Variants in ARID5B observed in about 807,000 individuals in gnomAD.
ARID5B encodes AT-rich interaction domain 5B.
A neutral mutation model predicts 97.2 loss-of-function variants in ARID5B; 13 were observed. The observed-to-expected ratio is 0.13, with a 90% CI of 0.09 to 0.21. ARID5B has a LOEUF of 0.21. ARID5B is among the 10% of genes least tolerant of loss of function. ARID5B has a pLI of 1.00. For synonymous variants in ARID5B, 556 were observed against 570.3 expected (o/e 0.97, Z 0.36); for missense variants, 1,210 against 1,465.3 (o/e 0.83, Z 2.84).
At chr10:61,992,751 A>G (rs149590676) in intron 3 of ARID5B, among the ~76,000 whole-genome samples, 3,199 of 152,162 alleles carry the variant, frequency 0.021, 36 homozygotes, top group Non-Finnish European at 0.026. Flanking sequence ...TTGTTCTGTT[A>G]TGTTAAAAGT....
intron 4 of ARID5B, among the ~76,000 whole-genome samples, chr10:62,027,836 G>T (rs573375826): frequency 1.3e-5 from 2 of 152,060 alleles, no homozygotes; most frequent in Non-Finnish European, 2.9e-5. Flanking sequence ...CCTCAAAGAG[G>T]TCTTCCCTGA....
chr10:61,942,112 T>C (rs1844421004), intron 3 of ARID5B, among the ~76,000 whole-genome samples: 1 of 152,086 alleles, frequency 6.6e-6, no homozygotes, highest in Non-Finnish European at 1.5e-5. Context: ...TTAAGCTTGA[T>C]GTCACACATA....
chr10:62,050,957 T>C lies in ARID5B; in HGVS notation c.803T>C (p.Val268Ala). The C allele has an allele frequency of 6.2e-7, 1 of 1,614,218 alleles. No homozygotes were observed. The highest frequency in any genetic ancestry group is 1.1e-5 in the South Asian group (1 of 91,084). ...CAAAGAAGAGATTCATTCAGTGGTG[T>C]TAAGGATTCCAACAACAATTCCGAT... Reference protein sequence around the residue: ...CPQRRDSFSGVKDSNNNSDGK... With the variant: ...CPQRRDSFSGAKDSNNNSDGK... The change falls in exon 5 of 10, where the codon GTT (valine) becomes GCT (alanine). Residue 268 changes from valine to alanine, a missense_variant. By Grantham distance (64) the Val-to-Ala change is moderately conservative. Transcript: ENST00000279873.
At position 62,087,298 on chromosome 10, in the gene ARID5B, C is replaced by CAAAGAAAAAAAAAAAAA. The variant is rs1840301856; in HGVS notation, c.1398+1401_1398+1402insGAAAAAAAAAAAAAAAA. On this transcript the variant is annotated intron_variant, in intron 9 of 9. Transcript: ENST00000279873. ...TGGGTGACAGAGAGAGACTCTATCT[C>CAAAGAAAAAAAAAAAAA]AAAAAAAAAAAAAAAAAAAAGGAAA... Among the ~76,000 whole-genome samples the CAAAGAAAAAAAAAAAAA allele has an allele frequency of 7.3e-5, 3 of 40,934 alleles. No individual in the cohort carries two copies. In the Admixed American group the frequency reaches 1.7e-3, roughly 24 times the overall value. 26.9% of individuals were successfully genotyped at this position (40,934 alleles called of 152,430 possible). A position where few individuals can be genotyped will look rare whatever the true frequency, so the allele number is the denominator to read the frequency against.
chr10:62,003,640 A>G (rs1839110623), intron 4 of ARID5B, among the ~76,000 whole-genome samples: 1 of 152,124 alleles, frequency 6.6e-6, no homozygotes, highest in South Asian at 2.1e-4. Flanking sequence ...TGGGACACAC[A>G]TGTGACTCAG....
At chr10:62,002,057 C>T (rs1332849710) in intron 4 of ARID5B, among the ~76,000 whole-genome samples, 1 of 152,162 alleles carries the variant, frequency 6.6e-6, no homozygotes, top group Non-Finnish European at 1.5e-5. Flanking sequence ...AAATTCCTGA[C>T]ACAGAATAAA....
chr10:62,014,698 G>A (rs1186927475), intron 4 of ARID5B, among the ~76,000 whole-genome samples: 1 of 152,118 alleles, frequency 6.6e-6, no homozygotes, highest in Non-Finnish European at 1.5e-5. Context: ...GAAATGGAAT[G>A]TCGGACCGGT....
rs905161029 is a variant in ARID5B at position 62,094,695 on chromosome 10, A to G, written c.*1665A>G. 2.2e-5 allele frequency: 5 copies of G among 231,322 alleles called. No individual in the cohort carries two copies. The highest frequency in any genetic ancestry group is 5.6e-5 in the Admixed American group (1 of 17,710). 14.3% of individuals were successfully genotyped at this position (231,322 alleles called of 1,614,324 possible). On this transcript the variant is annotated 3_prime_UTR_variant, in exon 10 of 10. Transcript: ENST00000279873. ...TTCTAACTGTATTAATTAAAAGTCA[A>G]TGGATACAGAGAGTGGATTTTCTCC...
At chr10:62,045,023 T>C (rs1333660348) in intron 4 of ARID5B, among the ~76,000 whole-genome samples, 1 of 152,240 alleles carries the variant, frequency 6.6e-6, no homozygotes, top group African/African-American at 2.4e-5. Context: ...ATGGTCACTA[T>C]ATGAAATATA....
intron 2 of ARID5B, among the ~76,000 whole-genome samples, chr10:61,926,701 CT>C (rs1323560033): frequency 2.0e-5 from 3 of 152,178 alleles, no homozygotes; most frequent in Admixed American, 6.5e-5. Flanking sequence ...CTTCTCCTCC[CT>C]GGTTCAGGTG....
intron 4 of ARID5B, among the ~76,000 whole-genome samples, chr10:62,015,227 G>A (rs1011525381): frequency 6.6e-6 from 1 of 152,146 alleles, no homozygotes; most frequent in Admixed American, 6.5e-5. Flanking sequence ...ATTTTTCTAG[G>A]ATTTATTGAG....
rs1589296074 is a variant in ARID5B at position 62,092,916 on chromosome 10, A to G, written c.3453A>G (p.Gly1151=). The part of the protein sequence containing the change: ...YRHLAAATPV[G]SSYGDLLHNS... ...ACTTGGCTGCGGCTACACCTGTAGG[A>G]AGTTCATATGGGGACCTTTTGCATA... The change falls in exon 10 of 10, where the codon GGA becomes GGG. Residue 1151 remains glycine, a synonymous_variant. Coordinates refer to ENST00000279873, the MANE Select transcript of ARID5B (RefSeq NM_032199.3). 1 of 1,614,188 alleles carries G rather than the reference A, an allele frequency of 6.2e-7. No homozygotes were observed. The highest frequency in any genetic ancestry group is 8.5e-7 in the Non-Finnish European group (1 of 1,180,034).
At chr10:61,954,285 G>A (rs1838361810) in intron 3 of ARID5B, among the ~76,000 whole-genome samples, 1 of 151,684 alleles carries the variant, frequency 6.6e-6, no homozygotes, top group African/African-American at 2.4e-5. Flanking sequence ...TGAACCTGGG[G>A]GGTGGGGGTT....
In ARID5B at chr10:62,010,477, G is replaced by A. The variant is rs1345476805; in HGVS notation, c.733+10156G>A. 2.6e-5 allele frequency among the ~76,000 whole-genome samples: 4 copies of A among 152,290 alleles called. No homozygotes were observed. The East Asian group carries it at 5.8e-4, about 22-fold the overall frequency. On this transcript the variant is annotated intron_variant, in intron 4 of 9. Transcript: ENST00000279873. ...ATGATACGAAAACTCTGCTAGATCC[G>A]AGAGGGCTTCAAATCTCCATCATCT...
rs74932148 is a variant in ARID5B at position 61,984,560 on chromosome 10, G to C, written c.503-15531G>C. ...GCTTGCTCATGTGGAGGCAGCAGGT[G>C]GGGGGGGCCTCAGTCAGCTGAGTGA... On this transcript the variant is annotated intron_variant, in intron 3 of 9. Coordinates refer to ENST00000279873, the MANE Select transcript of ARID5B (RefSeq NM_032199.3). 1.1e-4 allele frequency among the ~76,000 whole-genome samples: 17 copies of C among 151,718 alleles called. No homozygotes were observed. The South Asian group carries it at 1.7e-3, about 15-fold the overall frequency.
intron 3 of ARID5B, among the ~76,000 whole-genome samples, chr10:61,984,318 T>A (rs1315735035): frequency 6.6e-6 from 1 of 152,232 alleles, no homozygotes; most frequent in Non-Finnish European, 1.5e-5. Context: ...GTAAACCCAC[T>A]GCTGAACACA....
chr10:62,034,148 A>C (rs527718142), intron 4 of ARID5B, among the ~76,000 whole-genome samples: 6 of 152,230 alleles, frequency 3.9e-5, no homozygotes, highest in African/African-American at 9.6e-5. Flanking sequence ...GTCATCTGCA[A>C]CCTCTCTGTG....
rs1296480561 is a variant in ARID5B, at chr10:62,095,626, C to T, written c.*2596C>T. Reference sequence around the variant, plus strand: ...GGACAAATAAAGAGAAATGGGGGTACGCATTCCCAACAGAAGCAGTGTGTT... The same window carrying T: ...GGACAAATAAAGAGAAATGGGGGTATGCATTCCCAACAGAAGCAGTGTGTT... On this transcript the variant is annotated 3_prime_UTR_variant, in exon 10 of 10. Coordinates refer to ENST00000279873, the MANE Select transcript of ARID5B (RefSeq NM_032199.3). The T allele has an allele frequency of 2.6e-5, 6 of 233,224 alleles. No individual in the cohort carries two copies. Among genetic ancestry groups the T allele is most frequent in the African/African-American group, 4.4e-5 (2 of 45,308 alleles). The allele number at this position is 233,224 out of a possible 1,614,324, so 14.4% of individuals were successfully genotyped here. A position where few individuals can be genotyped will look rare whatever the true frequency, so the allele number is the denominator to read the frequency against.
At chr10:61,981,238 G>A (rs1424464876) in intron 3 of ARID5B, among the ~76,000 whole-genome samples, 1 of 152,086 alleles carries the variant, frequency 6.6e-6, no homozygotes, top group Non-Finnish European at 1.5e-5. Flanking sequence ...ATTCTAGCAG[G>A]ACAGTGCAAT....
Sources: gnomAD v4.1 joint callset for allele counts (sites outside exome capture counted in the v4.1 genomes callset) on GRCh38, gnomAD v4.1.1 for gene constraint, MANE v1.5 for transcripts, NCBI Gene and HGNC (gene_info 2026-07-23, HGNC 2026-07-21) for gene names.